The following LRRK1 variants were observed in gnomAD, a reference collection of about 807,000 sequenced individuals.
LRRK1 encodes the protein leucine-rich repeat serine/threonine-protein kinase 1.
LRRK1 carries 113 observed loss-of-function variants against 209.1 expected under a neutral mutation model. The observed-to-expected ratio is 0.54, with a 90% CI of 0.46 to 0.63. The LOEUF is 0.63. Ranked by LOEUF, LRRK1 falls within the 30% of genes least tolerant of loss-of-function variation. LRRK1 has a pLI of 0.00. For synonymous variants in LRRK1, 1,144 were observed against 1,099.7 expected, an observed-to-expected ratio of 1.04 and a Z score of -0.80; for missense variants, 2,284 against 2,632.2, an observed-to-expected ratio of 0.87 and a Z score of 2.89.
rs145440712 is a variant in LRRK1 at position 100,982,731 on chromosome 15, G to T, written c.262-797G>T. ...TTGCAGGATGGTTCTTCAGAGAGCT[G>T]GTTCCCTTCCCCCTTCGCAAGGCTG... On this transcript the variant is annotated intron_variant, in intron 3 of 33. Transcript: ENST00000388948. 3.1e-3 allele frequency among the ~76,000 whole-genome samples: 469 copies of T among 152,324 alleles called. 2 individuals are homozygous for T. Among genetic ancestry groups the T allele is most frequent in the African/African-American group, 0.01 (436 of 41,560 alleles).
intron 21 of LRRK1, among the ~76,000 whole-genome samples, 170 bp from the exon 22 acceptor site, chr15:101,048,324 A>G (rs1415762764): frequency 6.6e-6 from 1 of 152,224 alleles, no homozygotes; most frequent in East Asian, 1.9e-4. Flanking sequence ...AGACCCCGTC[A>G]GCTAATGTAA....
Position 101,024,916 on chromosome 15 carries a change from G to A in LRRK1, c.2181G>A (p.Ala727=), listed in dbSNP as rs1008616867. The change falls in exon 16 of 34, where the codon GCG becomes GCA. Residue 727 remains alanine (A), a synonymous_variant. Coordinates refer to ENST00000388948, the MANE Select transcript of LRRK1 (RefSeq NM_024652.6). The surrounding 1 kb of genome is among the most constrained non-coding windows in gnomAD (Gnocchi z 4.6). The part of the protein sequence containing the change: ...KALYVVVWNL[A]LGEEAVANLQ... Reference sequence around the variant, plus strand: ...TGTACGTGGTGGTCTGGAACCTGGCGCTGGGGGAGGAGGCCGTGGCCAACC... The same window carrying A: ...TGTACGTGGTGGTCTGGAACCTGGCACTGGGGGAGGAGGCCGTGGCCAACC... 32 of 1,613,978 alleles carry A rather than the reference G, an allele frequency of 2.0e-5. No homozygotes were observed. The Middle Eastern group carries it at 4.9e-4, about 25-fold the overall frequency.
chr15:101,029,335 G>GTGCTGCCAC, intron 20 of LRRK1, 103 bp downstream of exon 20: 2 of 1,184,710 alleles, frequency 1.7e-6, no homozygotes, highest in African/African-American at 3.0e-5. Context: ...CCAGGGATCA[G>GTGCTGCCAC]TGCTGCCACT....
At chr15:101,007,551 C>T (rs1046888640) in intron 6 of LRRK1, among the ~76,000 whole-genome samples, 1 of 152,204 alleles carries the variant, frequency 6.6e-6, no homozygotes, top group African/African-American at 2.4e-5. Flanking sequence ...AGGACTTCAA[C>T]GGCAAGAGCG....
intron 2 of LRRK1, among the ~76,000 whole-genome samples, chr15:100,944,827 G>A (rs2042505707): frequency 6.6e-6 from 1 of 152,116 alleles, no homozygotes; most frequent in Non-Finnish European, 1.5e-5. Flanking sequence ...ACGGTCTTAT[G>A]GTTCAAAAAT....
chr15:100,923,123 G>A (rs778704999), intron 1 of LRRK1, among the ~76,000 whole-genome samples: 7 of 152,162 alleles, frequency 4.6e-5, no homozygotes, highest in Non-Finnish European at 4.4e-5. Context: ...AAGTCTGTGC[G>A]CTGGTACTAC....
intron 20 of LRRK1, among the ~76,000 whole-genome samples, chr15:101,034,025 G>C (rs1029634854): frequency 6.6e-6 from 1 of 152,142 alleles, no homozygotes; most frequent in Non-Finnish European, 1.5e-5. Context: ...TCATGGTGTT[G>C]AGCATTTTTC....
chr15:101,045,959 A>G, intron 20 of LRRK1, 22 bp from the exon 21 acceptor site: 1 of 1,611,548 alleles, frequency 6.2e-7, no homozygotes, highest in Non-Finnish European at 8.5e-7. Context: ...ACTGTTCACC[A>G]GTCCCCCTTG....
At position 100,962,823 on chromosome 15, in the gene LRRK1, A is replaced by ATATATATACGTATTTTTTTTTT; in HGVS notation, c.98-10980_98-10979insATATATACGTATTTTTTTTTTT. 1.7e-4 allele frequency among the ~76,000 whole-genome samples: 2 copies of ATATATATACGTATTTTTTTTTT among 11,544 alleles called. 1 individual carries two copies. The highest frequency in any genetic ancestry group is 5.1e-4 in the African/African-American group (2 of 3,958). The allele number at this position is 11,544 out of a possible 152,430, so 7.6% of individuals were successfully genotyped here. Reference sequence around the variant, plus strand: ...TATATATATATATATATATATATATATTTTTTTTTTTTTTTTTGAGATGGA... The same window carrying ATATATATACGTATTTTTTTTTT: ...TATATATATATATATATATATATATATATATATACGTATTTTTTTTTTTTTTTTTTTTTTTTTTTGAGATGGA... On this transcript the variant is annotated intron_variant, in intron 2 of 33. Coordinates refer to ENST00000388948, the MANE Select transcript of LRRK1 (RefSeq NM_024652.6).
At chr15:101,054,586 C>T (rs1017660343) in intron 26 of LRRK1, among the ~76,000 whole-genome samples, 2 of 152,164 alleles carry the variant, frequency 1.3e-5, no homozygotes, top group South Asian at 2.1e-4. Flanking sequence ...GCGGGCAGGT[C>T]GCTTAAAGCC....
At chr15:101,034,846 T>TG (rs2034432975) in intron 20 of LRRK1, among the ~76,000 whole-genome samples, 1 of 151,940 alleles carries the variant, frequency 6.6e-6, no homozygotes, top group Non-Finnish European at 1.5e-5. Context: ...GGAATTTGTC[T>TG]GTTTTTTTTT....
chr15:101,027,240 G>A lies in LRRK1; in HGVS notation c.2406-21G>A. 1 of 1,613,820 alleles carries A rather than the reference G, an allele frequency of 6.2e-7. No individual in the cohort carries two copies. The highest frequency in any genetic ancestry group is 8.5e-7 in the Non-Finnish European group (1 of 1,179,888). Reference sequence around the variant, plus strand: ...CTCGGAGTGGGGCATGATGAGTAAAGACGGGTCTTTTTGCTCACAGTGAGA... The same window carrying A: ...CTCGGAGTGGGGCATGATGAGTAAAAACGGGTCTTTTTGCTCACAGTGAGA... On this transcript the variant is annotated intron_variant, in intron 17 of 33. Coordinates refer to ENST00000388948, the MANE Select transcript of LRRK1 (RefSeq NM_024652.6). The surrounding 1 kb of genome is among the most constrained non-coding windows in gnomAD (Gnocchi z 5.1).
intron 2 of LRRK1, among the ~76,000 whole-genome samples, chr15:100,946,285 G>A (rs1018249604): frequency 2.6e-5 from 4 of 152,166 alleles, no homozygotes; most frequent in Non-Finnish European, 5.9e-5. Context: ...TGAGAATACA[G>A]GAAAGTTCAG....
Position 101,025,957 on chromosome 15 carries a change from T to A in LRRK1, c.2233-8T>A, listed in dbSNP as rs746487549. 6.2e-7 allele frequency: 1 copy of A among 1,614,090 alleles called. No individual in the cohort carries two copies. Among genetic ancestry groups the A allele is most frequent in the South Asian group, 1.1e-5 (1 of 91,078 alleles). Reference sequence around the variant, plus strand: ...GACAGTACTCAGCCGTGGGGTTCTCTGTTGCAGGCCAAGGCCCCAAACGCC... The same window carrying A: ...GACAGTACTCAGCCGTGGGGTTCTCAGTTGCAGGCCAAGGCCCCAAACGCC... On this transcript the variant is annotated splice_region_variant and splice_polypyrimidine_tract_variant and intron_variant, in intron 16 of 33. Coordinates refer to ENST00000388948, the MANE Select transcript of LRRK1 (RefSeq NM_024652.6).
chr15:101,020,369 C>CT (rs1258764876), intron 12 of LRRK1, among the ~76,000 whole-genome samples: 1,973 of 98,376 alleles, frequency 0.02, 17 homozygotes, highest in African/African-American at 0.028. Flanking sequence ...CGGTTCTGAA[C>CT]TTTTTTTTTT....
intron 20 of LRRK1, among the ~76,000 whole-genome samples, chr15:101,031,484 C>G (rs1020544550): frequency 6.6e-6 from 1 of 152,246 alleles, no homozygotes; most frequent in Non-Finnish European, 1.5e-5. Flanking sequence ...TATGGCTTTA[C>G]TGCAATTTGT....
At chr15:100,969,312 G>A (rs571352554) in intron 2 of LRRK1, among the ~76,000 whole-genome samples, 1 of 152,254 alleles carries the variant, frequency 6.6e-6, no homozygotes, top group South Asian at 2.1e-4. Context: ...AAATTTTGAT[G>A]AAGCCTAATT....
At chr15:101,015,774 G>A (rs956469701) in intron 12 of LRRK1, among the ~76,000 whole-genome samples, 1 of 152,174 alleles carries the variant, frequency 6.6e-6, no homozygotes, top group Non-Finnish European at 1.5e-5. Flanking sequence ...GGAGACTGAG[G>A]CTCCCAGGGT....
chr15:101,028,984 C>T lies in LRRK1; in HGVS notation c.2715C>T (p.Thr905=), dbSNP rs746870406. ...TCAGCTTCCTCATAGAAACCGGCAC[C>T]CTGCTCCATTTCCCGGACACCAGCC... ...SAISFLIETG[T]LLHFPDTSHG... is the part of the protein sequence containing the mutation. Residue 905 remains threonine (T), a synonymous_variant, in exon 20 of 34, where the codon ACC becomes ACT. Transcript: ENST00000388948. 1 of 1,614,198 alleles carries T rather than the reference C, an allele frequency of 6.2e-7. No individual in the cohort carries two copies. Among genetic ancestry groups the T allele is most frequent in the South Asian group, 1.1e-5 (1 of 91,084 alleles).
Sources: allele counts gnomAD v4.1 joint callset (sites outside exome capture counted in the v4.1 genomes callset), GRCh38; gene constraint gnomAD v4.1.1; non-coding constraint Gnocchi (gnomAD v3.1); transcripts MANE v1.5; gene names NCBI Gene and HGNC (gene_info 2026-07-23, HGNC 2026-07-21).